The following NRXN3 variants were observed in gnomAD, a reference collection of about 807,000 sequenced individuals.
NRXN3 encodes neurexin 3, also known as neurexin III.
Under a neutral mutation model 137.6 loss-of-function variants are expected in NRXN3, and 32 were observed. The observed-to-expected ratio is 0.23, with a 90% CI of 0.18 to 0.31. The LOEUF is 0.31. NRXN3 is among the 10% of genes least tolerant of loss of function. The probability of loss-of-function intolerance (pLI) is 1.00; values close to 1 mark genes in which losing one functional copy is unlikely to be tolerated. For missense variants in NRXN3, 1,574 were observed against 2,062.5 expected (o/e 0.76, Z 4.59); for synonymous variants, 798 against 784.5 (o/e 1.02, Z -0.29).
intron 10 of NRXN3, among the ~76,000 whole-genome samples, chr14:78,831,253 G>C (rs76505221): frequency 0.022 from 3,396 of 152,068 alleles, 115 homozygotes; most frequent in South Asian, 0.12. Context: ...CGCAAGCCAC[G>C]ATTCTCACTG....
rs550406053 is a variant in NRXN3 at position 78,625,574 on chromosome 14, T to A, written c.758-19546T>A. ...TTGGACTTAGCCTGGGTTGTCTGCATCTGGGAAGGACTTGGACAGGAAAGA... is the reference window on the plus strand; with the variant it reads ...TTGGACTTAGCCTGGGTTGTCTGCAACTGGGAAGGACTTGGACAGGAAAGA... On this transcript the variant is annotated intron_variant, in intron 4 of 20. Transcript: ENST00000335750. 3.8e-4 allele frequency among the ~76,000 whole-genome samples: 58 copies of A among 152,330 alleles called. 1 individual carries two copies. The highest frequency in any genetic ancestry group is 7.2e-4 in the Admixed American group (11 of 15,308).
At chr14:79,450,251 ATAG>A (rs1299534425) in intron 15 of NRXN3, among the ~76,000 whole-genome samples, 1 of 152,130 alleles carries the variant, frequency 6.6e-6, no homozygotes, top group African/African-American at 2.4e-5. Context: ...CTAGAAGTAC[ATAG>A]TAGAATAGTG....
At chr14:78,880,748 A>G (rs1227846301) in intron 10 of NRXN3, among the ~76,000 whole-genome samples, 1 of 152,156 alleles carries the variant, frequency 6.6e-6, no homozygotes, top group Admixed American at 6.5e-5. Flanking sequence ...TATTGTGTAT[A>G]TATAAGTGTT....
chr14:78,470,945 TGG>T (rs1475585216), intron 4 of NRXN3, among the ~76,000 whole-genome samples: 9 of 152,170 alleles, frequency 5.9e-5, no homozygotes, highest in Admixed American at 5.9e-4. Flanking sequence ...AAACCAACCC[TGG>T]AACTCAGGAC....
intron 4 of NRXN3, among the ~76,000 whole-genome samples, chr14:78,326,584 A>C (rs1182786153): frequency 2.6e-5 from 4 of 152,182 alleles, no homozygotes; most frequent in Non-Finnish European, 5.9e-5. Context: ...CAAAAGGTAT[A>C]CATCGTGGTG....
chr14:78,256,133 G>A (rs2069546959), intron 2 of NRXN3, among the ~76,000 whole-genome samples: 2 of 152,044 alleles, frequency 1.3e-5, no homozygotes, highest in South Asian at 4.2e-4. Flanking sequence ...ATTATAGGCA[G>A]TAGCCAGCCT....
intron 4 of NRXN3, among the ~76,000 whole-genome samples, chr14:78,375,034 C>A (rs1022078563): frequency 6.6e-6 from 1 of 152,162 alleles, no homozygotes; most frequent in Non-Finnish European, 1.5e-5. Context: ...CTAAAGAAAT[C>A]CAACTATTCT....
In NRXN3 at chr14:79,146,855, G is replaced by A. The variant is rs562024677; in HGVS notation, c.3262+158714G>A. 6.5e-4 allele frequency among the ~76,000 whole-genome samples: 99 copies of A among 152,266 alleles called. 3 individuals are homozygous for A. Among genetic ancestry groups the A allele is most frequent in the Non-Finnish European group, 4.4e-5 (3 of 68,022 alleles). The stretch of plus-strand genomic sequence containing the variant: ...CTTGGCCCTTATGAACTCTGGGGGA[G>A]GTTCCTCCCCCTACTCTTAACTGAA... On this transcript the variant is annotated intron_variant, in intron 15 of 20. Coordinates refer to ENST00000335750, the MANE Select transcript of NRXN3 (RefSeq NM_001330195.2).
chr14:79,841,390 C>T (rs1316777315), intron 20 of NRXN3, among the ~76,000 whole-genome samples: 2 of 152,128 alleles, frequency 1.3e-5, no homozygotes, highest in Non-Finnish European at 2.9e-5. Context: ...CCAACGGGAT[C>T]CCAGCACAAA....
chr14:78,737,736 G>A (rs1298313925), intron 8 of NRXN3, among the ~76,000 whole-genome samples: 3 of 152,154 alleles, frequency 2.0e-5, no homozygotes, highest in African/African-American at 7.2e-5. Flanking sequence ...TTCAAGAGCA[G>A]CATGTGTCTC....
At chr14:78,272,334 G>A (rs552752951) in intron 2 of NRXN3, among the ~76,000 whole-genome samples, 7 of 152,300 alleles carry the variant, frequency 4.6e-5, no homozygotes, top group Admixed American at 3.9e-4. Context: ...CCAGTAGGTT[G>A]GTCTGCTTTG....
At chr14:79,136,875 C>A (rs987298545) in intron 15 of NRXN3, among the ~76,000 whole-genome samples, 11 of 152,176 alleles carry the variant, frequency 7.2e-5, no homozygotes, top group Non-Finnish European at 1.0e-4. Context: ...GTCATCCATA[C>A]TTTTCTGAAA....
At chr14:79,213,794 C>G (rs1470205244) in intron 15 of NRXN3, among the ~76,000 whole-genome samples, 1 of 152,160 alleles carries the variant, frequency 6.6e-6, no homozygotes, top group Admixed American at 6.6e-5. Context: ...TTCTCTCACT[C>G]TTTCAAAATG....
At chr14:79,818,472 G>A (rs76719664) in intron 20 of NRXN3, among the ~76,000 whole-genome samples, 2,701 of 152,176 alleles carry the variant, frequency 0.018, 84 homozygotes, top group African/African-American at 0.059. Flanking sequence ...CGAGAGCTTG[G>A]GTTAAGATAC....
At chr14:78,417,507 G>A (rs2093207843) in intron 4 of NRXN3, among the ~76,000 whole-genome samples, 2 of 152,022 alleles carry the variant, frequency 1.3e-5, no homozygotes, top group Non-Finnish European at 2.9e-5. Flanking sequence ...GACTTATTTA[G>A]GCCTGTAGCT....
intron 4 of NRXN3, among the ~76,000 whole-genome samples, chr14:78,373,682 G>C (rs1483786848): frequency 6.6e-6 from 1 of 152,176 alleles, no homozygotes; most frequent in Non-Finnish European, 1.5e-5. Context: ...AGTGGGAGGA[G>C]GAGAAAGTGG....
intron 10 of NRXN3, among the ~76,000 whole-genome samples, chr14:78,814,959 A>G (rs1567394304): frequency 6.6e-6 from 1 of 152,210 alleles, no homozygotes; most frequent in African/African-American, 2.4e-5. Flanking sequence ...GTAAACACAT[A>G]TTAATGAATT....
chr14:78,280,061 G>A (rs559641523), intron 3 of NRXN3, among the ~76,000 whole-genome samples: 2 of 152,274 alleles, frequency 1.3e-5, no homozygotes, highest in South Asian at 2.1e-4. Context: ...ATGCCATTAA[G>A]TTTATTATTT....
chr14:78,204,610 A>G (rs1260484103), intron 1 of NRXN3, among the ~76,000 whole-genome samples: 4 of 152,210 alleles, frequency 2.6e-5, no homozygotes, highest in African/African-American at 9.6e-5. Flanking sequence ...GTGTAGGGAA[A>G]AATCAAGCTA....
Sources: allele counts gnomAD v4.1 joint callset (sites outside exome capture counted in the v4.1 genomes callset), GRCh38; gene constraint gnomAD v4.1.1; transcripts MANE v1.5; gene names NCBI Gene and HGNC (gene_info 2026-07-23, HGNC 2026-07-21).